The following HMGA2 variants were observed in gnomAD, a reference collection of about 807,000 sequenced individuals.
The protein encoded by HMGA2 is high mobility group protein HMGI-C.
In HMGA2, 8 loss-of-function variants were observed where a neutral mutation model predicts 19.1. The ratio of observed to expected loss-of-function variants is 0.42; its 90% CI spans 0.25 to 0.76. The LOEUF (loss-of-function observed/expected upper bound fraction) is 0.76, where lower values mean the gene tolerates loss of function less well. HMGA2 is among the 30% of genes least tolerant of loss of function. HMGA2 has a pLI of 0.28. For synonymous variants in HMGA2, 60 were observed against 48.8 expected (o/e 1.23, Z -0.96); for missense variants, 109 against 136.3 (o/e 0.80, Z 1.00).
intron 3 of HMGA2, among the ~76,000 whole-genome samples, chr12:65,928,860 T>C (rs1875609054): frequency 6.6e-6 from 1 of 152,172 alleles, no homozygotes; most frequent in Admixed American, 6.5e-5. Context: ...ATGTGGTGCA[T>C]GGCTGTATTT....
chr12:65,844,333 A>G, intron 3 of HMGA2, among the ~76,000 whole-genome samples: 1 of 152,196 alleles, frequency 6.6e-6, no homozygotes, highest in East Asian at 1.9e-4. Flanking sequence ...TTGCTGATGC[A>G]TATAATGCAT....
intron 3 of HMGA2, among the ~76,000 whole-genome samples, chr12:65,949,238 A>G (rs1177700648): frequency 6.6e-6 from 1 of 152,128 alleles, no homozygotes; most frequent in Non-Finnish European, 1.5e-5. Context: ...CCTTTGAGCA[A>G]AAGTACCTTG....
chr12:65,961,945 T>C (rs910929016), intron 4 of HMGA2, among the ~76,000 whole-genome samples: 1 of 152,184 alleles, frequency 6.6e-6, no homozygotes, highest in Admixed American at 6.5e-5. Flanking sequence ...CTTTAAGGCA[T>C]GCTTTACTGA....
chr12:65,922,949 A>C (rs1464840925), intron 3 of HMGA2, among the ~76,000 whole-genome samples: 1 of 152,100 alleles, frequency 6.6e-6, no homozygotes, highest in Non-Finnish European at 1.5e-5. Flanking sequence ...TCTTTCGCCT[A>C]CCACCATGAT....
chr12:65,888,554 CTTTTTTTTTT>C (rs1180942808), intron 3 of HMGA2, among the ~76,000 whole-genome samples: 4 of 40,578 alleles, frequency 9.9e-5, no homozygotes, highest in East Asian at 1.1e-3. Flanking sequence ...GTGGTGTGCT[CTTTTTTTTTT>C]TTTTTTTTTT....
intron 3 of HMGA2, among the ~76,000 whole-genome samples, chr12:65,855,297 A>G (rs1194465047): frequency 6.6e-6 from 1 of 152,180 alleles, no homozygotes. Flanking sequence ...CTCTAGAACA[A>G]TTATAGTAGA....
chr12:65,891,343 A>G (rs1873902491), intron 3 of HMGA2, among the ~76,000 whole-genome samples: 1 of 152,208 alleles, frequency 6.6e-6, no homozygotes, highest in Non-Finnish European at 1.5e-5. Context: ...AAGGAAATGC[A>G]GATGTAAGTA....
In HMGA2 at chr12:65,915,447, G is replaced by C. The variant is rs1472989750; in HGVS notation, c.250-35936G>C. ...GGTGGGCTGAACTCCAGTTACTCTCGTACAGGGATCCACCTTTTTGCAGAA... is the reference window on the plus strand; with the variant it reads ...GGTGGGCTGAACTCCAGTTACTCTCCTACAGGGATCCACCTTTTTGCAGAA... On this transcript the variant is annotated intron_variant, in intron 3 of 4. Transcript: ENST00000403681. 2.4e-6 allele frequency: 3 copies of C among 1,252,424 alleles called. No homozygotes were observed. In the African/African-American group the frequency reaches 4.5e-5, roughly 19 times the overall value. The allele number at this position is 1,252,424 out of a possible 1,614,324, so 77.6% of individuals were successfully genotyped here.
intron 2 of HMGA2, among the ~76,000 whole-genome samples, chr12:65,832,044 A>G (rs1248994926): frequency 6.6e-6 from 1 of 151,770 alleles, no homozygotes; most frequent in Non-Finnish European, 1.5e-5. Flanking sequence ...CTATCTGAGG[A>G]TACAAATGAA....
chr12:65,921,768 C>A (rs1406532206), intron 3 of HMGA2, among the ~76,000 whole-genome samples: 1 of 152,206 alleles, frequency 6.6e-6, no homozygotes, highest in Admixed American at 6.5e-5. Flanking sequence ...CCATCACAGG[C>A]CTGGAGATCC....
At chr12:65,871,893 C>T (rs889085408) in intron 3 of HMGA2, among the ~76,000 whole-genome samples, 1 of 152,220 alleles carries the variant, frequency 6.6e-6, no homozygotes, top group Non-Finnish European at 1.5e-5. Flanking sequence ...ATTTGATAGG[C>T]TGATGCCGCA....
At chr12:65,856,444 T>C (rs1220753741) in intron 3 of HMGA2, 1 of 152,276 alleles carries the variant, frequency 6.6e-6, no homozygotes, top group African/African-American at 2.4e-5. Context: ...CCAGGTTTCC[T>C]GACTTCTAGT....
Position 65,825,113 on chromosome 12 carries a change from C to T in HMGA2, c.-158C>T, listed in dbSNP as rs1299270940. The T allele has an allele frequency of 3.7e-6, 2 of 545,386 alleles. No individual in the cohort carries two copies. The highest frequency in any genetic ancestry group is 2.0e-5 in the African/African-American group (1 of 49,894). 33.8% of individuals were successfully genotyped at this position (545,386 alleles called of 1,614,324 possible). ...CGTCCGGTGTTGATGGTGGCAGCGG[C>T]GGCAGCCTAAGCAACAGCAGCCCTC... On this transcript the variant is annotated 5_prime_UTR_variant, in exon 1 of 5. Transcript: ENST00000403681. This position sits in a 1 kb window ranked among gnomAD's most constrained non-coding sequence, Gnocchi z 4.4.
At chr12:65,935,504 C>CT (rs531582270) in intron 3 of HMGA2, among the ~76,000 whole-genome samples, 99 of 146,370 alleles carry the variant, frequency 6.8e-4, no homozygotes, top group East Asian at 3.8e-3. Flanking sequence ...TTGGGTTTTT[C>CT]TTTTTTTTTT....
rs147581370 is a variant in HMGA2 at position 65,927,309 on chromosome 12, G to A, written c.250-24074G>A. ...TTAATCCTGTGAGCTACCATCCACGGCCATACCAGGCTCCAGGAAGGGATC... is the reference window on the plus strand; with the variant it reads ...TTAATCCTGTGAGCTACCATCCACGACCATACCAGGCTCCAGGAAGGGATC... On this transcript the variant is annotated intron_variant, in intron 3 of 4. Transcript: ENST00000403681. 3.9e-5 allele frequency among the ~76,000 whole-genome samples: 6 copies of A among 152,252 alleles called. No individual in the cohort carries two copies. The East Asian group carries it at 7.7e-4, about 20-fold the overall frequency.
chr12:65,869,734 C>T lies in HMGA2; in HGVS notation c.249+31165C>T, dbSNP rs562794933. Among the ~76,000 whole-genome samples, 5 of 152,262 alleles carry T rather than the reference C, an allele frequency of 3.3e-5. No individual in the cohort carries two copies. The South Asian group carries it at 1.0e-3, about 32-fold the overall frequency. ...CAGTACTTATTAAATGCCTACCAAG[C>T]CTGGCATTGTTCTAGAGACCTCAAA... On this transcript the variant is annotated intron_variant, in intron 3 of 4. Transcript: ENST00000403681.
intron 3 of HMGA2, among the ~76,000 whole-genome samples, chr12:65,904,896 G>A (rs200507049): frequency 6.6e-6 from 1 of 152,046 alleles, no homozygotes; most frequent in South Asian, 2.1e-4. Flanking sequence ...ACAAAATTTA[G>A]CTGGGCATGG....
At chr12:65,868,973 G>A (rs1872574383) in intron 3 of HMGA2, among the ~76,000 whole-genome samples, 1 of 152,146 alleles carries the variant, frequency 6.6e-6, no homozygotes, top group African/African-American at 2.4e-5. Flanking sequence ...GTAGAACTGA[G>A]GTTAGCAGGT....
chr12:65,921,692 G>A (rs748599776), intron 3 of HMGA2, among the ~76,000 whole-genome samples: 5 of 152,252 alleles, frequency 3.3e-5, no homozygotes, highest in African/African-American at 4.8e-5. Flanking sequence ...GGAGCCTAAT[G>A]TTAATCCCCA....
Sources: allele counts gnomAD v4.1 joint callset (sites outside exome capture counted in the v4.1 genomes callset), GRCh38; gene constraint gnomAD v4.1.1; non-coding constraint Gnocchi (gnomAD v3.1); transcripts MANE v1.5; gene names NCBI Gene and HGNC (gene_info 2026-07-23, HGNC 2026-07-21).